The following TRPM3 variants were observed in gnomAD, a reference collection of about 807,000 sequenced individuals.
TRPM3 encodes long transient receptor potential channel 3.
Under a neutral mutation model 181.2 loss-of-function variants are expected in TRPM3, and 77 were observed. The ratio of observed to expected loss-of-function variants is 0.42; its 90% CI spans 0.35 to 0.51. TRPM3 has a LOEUF of 0.51. Among genes scored for constraint, TRPM3 ranks in the 20% least tolerant of loss-of-function variants. The probability of loss-of-function intolerance (pLI) is 0.01; values close to 1 mark genes in which losing one functional copy is unlikely to be tolerated. For missense variants in TRPM3, 1,759 were observed against 2,196.7 expected (o/e 0.80, Z 3.98); for synonymous variants, 745 against 796.4 (o/e 0.94, Z 1.09).
At chr9:71,009,578 T>G (rs1483242741) in intron 1 of TRPM3, among the ~76,000 whole-genome samples, 2 of 151,998 alleles carry the variant, frequency 1.3e-5, no homozygotes, top group African/African-American at 4.8e-5. Flanking sequence ...TGGAAGAAAT[T>G]AAAGAGGAGG....
intron 1 of TRPM3, among the ~76,000 whole-genome samples, chr9:71,150,237 G>A (rs1329773): frequency 0.54 from 81,663 of 151,650 alleles, 25,305 homozygotes; most frequent in East Asian, 0.71. Context: ...ATGAGAAGGG[G>A]GAAATAACCT....
intron 6 of TRPM3, among the ~76,000 whole-genome samples, chr9:70,822,946 T>C (rs1240086948): frequency 6.6e-6 from 1 of 152,104 alleles, no homozygotes; most frequent in African/African-American, 2.4e-5. Flanking sequence ...TTTTCATGAA[T>C]GGGATGTGAT....
At chr9:71,440,602 A>G (rs1278658804) in intron 1 of TRPM3, among the ~76,000 whole-genome samples, 1 of 152,164 alleles carries the variant, frequency 6.6e-6, no homozygotes, top group Non-Finnish European at 1.5e-5. Flanking sequence ...CTTTGCTCCA[A>G]TGTACTCTGA....
chr9:70,932,562 C>A (rs1258023519), intron 1 of TRPM3, among the ~76,000 whole-genome samples: 32 of 150,918 alleles, frequency 2.1e-4, no homozygotes, highest in Admixed American at 2.1e-3. Context: ...CCAGAAAGCA[C>A]AAACAATGTA....
chr9:71,033,159 T>C (rs1282852026), intron 1 of TRPM3, among the ~76,000 whole-genome samples: 4 of 152,220 alleles, frequency 2.6e-5, no homozygotes, highest in African/African-American at 4.8e-5. Flanking sequence ...TTGGGGCTTG[T>C]AGCCCTTAAA....
At chr9:71,320,201 T>C (rs1484440895) in intron 1 of TRPM3, among the ~76,000 whole-genome samples, 1 of 151,600 alleles carries the variant, frequency 6.6e-6, no homozygotes, top group African/African-American at 2.4e-5. Flanking sequence ...TCCCAGAATA[T>C]ATTGTGTTCC....
chr9:71,006,278 A>G (rs1440706103), intron 1 of TRPM3, among the ~76,000 whole-genome samples: 3 of 152,198 alleles, frequency 2.0e-5, no homozygotes, highest in Non-Finnish European at 4.4e-5. Flanking sequence ...GAAAAAAAGA[A>G]GAATGAATCT....
At chr9:70,620,974 T>A (rs1277119448) in intron 15 of TRPM3, among the ~76,000 whole-genome samples, 1 of 149,020 alleles carries the variant, frequency 6.7e-6, no homozygotes, top group Non-Finnish European at 1.5e-5. Flanking sequence ...ATGGTGGAAT[T>A]TTCAAAGGTG....
chr9:70,662,670 G>A (rs2061299816), intron 9 of TRPM3, among the ~76,000 whole-genome samples: 1 of 152,162 alleles, frequency 6.6e-6, no homozygotes, highest in African/African-American at 2.4e-5. Flanking sequence ...TCATGGAAAT[G>A]CAAATCAAAA....
chr9:71,436,094 C>T (rs990555587), intron 1 of TRPM3, among the ~76,000 whole-genome samples: 2 of 152,028 alleles, frequency 1.3e-5, no homozygotes, highest in African/African-American at 4.8e-5. Flanking sequence ...ATGCTAGTCT[C>T]GTGATAGTGA....
intron 1 of TRPM3, among the ~76,000 whole-genome samples, chr9:71,235,280 T>C (rs1238188150): frequency 6.6e-6 from 1 of 152,236 alleles, no homozygotes; most frequent in East Asian, 1.9e-4. Context: ...TTACAATCTT[T>C]CTCATCCTCC....
intron 1 of TRPM3, among the ~76,000 whole-genome samples, chr9:71,328,249 C>T (rs956750103): frequency 2.0e-5 from 3 of 152,160 alleles, no homozygotes; most frequent in East Asian, 1.9e-4. Flanking sequence ...CTGCAAGCTC[C>T]GCCTCCCGGG....
chr9:70,751,256 C>T (rs921869529), intron 8 of TRPM3, among the ~76,000 whole-genome samples: 6 of 151,596 alleles, frequency 4.0e-5, no homozygotes, highest in East Asian at 1.9e-4. Context: ...TGGGAAAGTA[C>T]GAACTAAAAG....
chr9:71,316,781 A>G (rs1327074688), intron 1 of TRPM3, among the ~76,000 whole-genome samples: 1 of 152,150 alleles, frequency 6.6e-6, no homozygotes, highest in East Asian at 1.9e-4. Context: ...ATACATTTTT[A>G]TTGTTTAAAC....
intron 19 of TRPM3, among the ~76,000 whole-genome samples, chr9:70,609,136 A>G (rs947652219): frequency 6.6e-6 from 1 of 152,182 alleles, no homozygotes; most frequent in African/African-American, 2.4e-5. Flanking sequence ...CGGAACTACT[A>G]TTATTGGCAT....
Position 71,271,208 on chromosome 9 carries a change from C to T in TRPM3, c.183+175445G>A, listed in dbSNP as rs80248474. On this transcript the variant is annotated intron_variant, in intron 1 of 24. Coordinates refer to the TRPM3 transcript ENST00000357533. Reference sequence around the variant, plus strand: ...AGGGGCAAACGAACCTACCCTGTCACGTGTTATGAAATTATCCCATTTTAT... The same window carrying T: ...AGGGGCAAACGAACCTACCCTGTCATGTGTTATGAAATTATCCCATTTTAT... 1.5e-3 allele frequency among the ~76,000 whole-genome samples: 235 copies of T among 152,240 alleles called. 8 individuals carry two copies. The East Asian group carries it at 0.039, about 25-fold the overall frequency.
At chr9:70,964,078 A>C (rs1208039329) in intron 1 of TRPM3, among the ~76,000 whole-genome samples, 2 of 152,126 alleles carry the variant, frequency 1.3e-5, no homozygotes, top group Non-Finnish European at 2.9e-5. Flanking sequence ...TTCTCAAAGG[A>C]AAGTTCAAAT....
intron 1 of TRPM3, among the ~76,000 whole-genome samples, chr9:71,010,096 G>A (rs1009334482): frequency 6.6e-6 from 1 of 152,020 alleles, no homozygotes; most frequent in Non-Finnish European, 1.5e-5. Context: ...TGTAGAGAAG[G>A]CTTAAATAAA....
At chr9:70,832,857 A>G (rs1157402904) in intron 5 of TRPM3, among the ~76,000 whole-genome samples, 1 of 152,200 alleles carries the variant, frequency 6.6e-6, no homozygotes, top group East Asian at 1.9e-4. Context: ...ACTAATTTCT[A>G]ACATGGGGCA....
Sources: allele counts gnomAD v4.1 joint callset (sites outside exome capture counted in the v4.1 genomes callset), GRCh38; gene constraint gnomAD v4.1.1; transcripts MANE v1.5; gene names NCBI Gene and HGNC (gene_info 2026-07-23, HGNC 2026-07-21).